SMC2: variants seen among roughly 807,000 people sequenced by gnomAD.
SMC2 encodes the protein structural maintenance of chromosomes protein 2.
A neutral mutation model predicts 142.6 loss-of-function variants in SMC2; 41 were observed. That is an observed-to-expected ratio of 0.29 (90% confidence interval 0.22 to 0.37). SMC2 has a LOEUF of 0.37. Ranked by LOEUF, SMC2 falls within the 10% of genes least tolerant of loss-of-function variation. The probability of loss-of-function intolerance (pLI) is 1.00; values close to 1 mark genes in which losing one functional copy is unlikely to be tolerated. For missense variants in SMC2, 1,265 were observed against 1,373.7 expected (o/e 0.92, Z 1.25); for synonymous variants, 463 against 457.5 (o/e 1.01, Z -0.15).
upstream of SMC2, among the ~76,000 whole-genome samples, chr9:104,091,559 A>T (rs1426251376): frequency 6.6e-6 from 1 of 152,240 alleles, no homozygotes; most frequent in Non-Finnish European, 1.5e-5. Flanking sequence ...AAGTGCTGCT[A>T]GTCAATCCAA....
intron 21 of SMC2, among the ~76,000 whole-genome samples, chr9:104,131,447 A>G (rs73665504): frequency 0.017 from 2,523 of 152,190 alleles, 93 homozygotes; most frequent in African/African-American, 0.058. Context: ...GCAGCAAGCC[A>G]TCATGGCACA....
In SMC2 at chr9:104,101,187, G is replaced by A. The variant is rs149974316; in HGVS notation, c.636+754G>A. On this transcript the variant is annotated intron_variant, in intron 7 of 24. Coordinates refer to ENST00000374793, the MANE Select transcript of SMC2 (RefSeq NM_006444.3). ...TGGGCTCAAGTGATCCACCTGCCTCGGCCTCGCAAAGTGCTGGGATTACAG... is the reference window on the plus strand; with the variant it reads ...TGGGCTCAAGTGATCCACCTGCCTCAGCCTCGCAAAGTGCTGGGATTACAG... Among the ~76,000 whole-genome samples, 15 of 152,170 alleles carry A rather than the reference G, an allele frequency of 9.9e-5. No homozygotes were observed. The East Asian group carries it at 1.6e-3, about 16-fold the overall frequency.
At chr9:104,129,344 A>G (rs780498572) in intron 20 of SMC2, among the ~76,000 whole-genome samples, 4 of 152,082 alleles carry the variant, frequency 2.6e-5, no homozygotes, top group Non-Finnish European at 5.9e-5. Flanking sequence ...CTCTACTAAA[A>G]ATACAAAATT....
chr9:104,098,560 A>T lies in SMC2; in HGVS notation c.433A>T (p.Ile145Phe). ...TAATGTTAACAACCCTCACTTTCTC[A>T]TCATGCAGGTATTTCGTTTGAGGTC... is the stretch of plus-strand genomic sequence containing the variant. ...GLNVNNPHFL[I>F]MQGRITKVLN... The change falls in exon 4 of 25, where the codon ATC (isoleucine) becomes TTC (phenylalanine). Residue 145 changes from isoleucine (I) to phenylalanine (F), a missense_variant. Ile to Phe is a conservative substitution (Grantham distance 21). This residue lies in a region of SMC2 where 168 missense variants were observed against 184.8 expected (regional missense o/e 0.91). Transcript: ENST00000374793. 6.3e-7 allele frequency: 1 copy of T among 1,586,174 alleles called. No homozygotes were observed. Among genetic ancestry groups the T allele is most frequent in the Non-Finnish European group, 8.5e-7 (1 of 1,169,702 alleles).
chr9:104,118,098 A>T, intron 14 of SMC2, 73 bp from the exon 15 acceptor site: 1 of 1,161,982 alleles, frequency 8.6e-7, no homozygotes. Context: ...AGCAGTTTTT[A>T]CTGGTTTATA....
chr9:104,127,462 T>A lies in SMC2; in HGVS notation c.2772T>A (p.Ala924=), dbSNP rs765566234. The A allele has an allele frequency of 1.2e-6, 2 of 1,609,674 alleles. No homozygotes were observed. Among genetic ancestry groups the A allele is most frequent in the Admixed American group, 3.4e-5 (2 of 59,182 alleles). The change falls in exon 20 of 25, where the codon GCT becomes GCA. Residue 924 remains alanine, a synonymous_variant. Transcript: ENST00000374793. ...DHNISKHKRE[A]EDGAAKVSKM... ...ACATCAGCAAACATAAACGGGAGGC[T>A]GAAGATGGTGCTGCAAAGGTATACG...
chr9:104,100,604 A>G (rs771645933), intron 7 of SMC2, among the ~76,000 whole-genome samples, 171 bp downstream of exon 7: 23 of 152,190 alleles, frequency 1.5e-4, no homozygotes, highest in South Asian at 4.1e-4. Flanking sequence ...GAGGATATGC[A>G]CTTATCTGCT....
intron 9 of SMC2, among the ~76,000 whole-genome samples, chr9:104,106,342 G>T (rs914083608): frequency 3.9e-5 from 6 of 152,118 alleles, no homozygotes; most frequent in Non-Finnish European, 5.9e-5. Context: ...TCCCTTTCAG[G>T]CAGCAAGTCC....
At chr9:104,115,594 A>AT (rs956766293) in intron 13 of SMC2, among the ~76,000 whole-genome samples, 2 of 152,062 alleles carry the variant, frequency 1.3e-5, no homozygotes, top group African/African-American at 4.8e-5. Context: ...CAAAAAAAAA[A>AT]AGAAAAAAAC....
chr9:104,104,681 A>G (rs1417115692), intron 9 of SMC2, among the ~76,000 whole-genome samples: 2 of 152,174 alleles, frequency 1.3e-5, no homozygotes, highest in African/African-American at 4.8e-5. Flanking sequence ...CCACCTAAGG[A>G]GTTGTCCTGT....
chr9:104,114,597 T>G, intron 12 of SMC2, 94 bp from the exon 13 acceptor site: 1 of 1,113,184 alleles, frequency 9.0e-7, no homozygotes. Flanking sequence ...TCATTTCACT[T>G]TAATGTGTTG....
chr9:104,097,508 GAAAAA>G (rs59646608), intron 3 of SMC2, among the ~76,000 whole-genome samples: 4 of 121,868 alleles, frequency 3.3e-5, no homozygotes, highest in African/African-American at 9.1e-5. Context: ...GCCTCTGGTT[GAAAAA>G]AAAAAAAAAA....
rs1376968987 is a variant in SMC2, at chr9:104,111,710, T to G, written c.1150T>G (p.Ser384Ala). The G allele has an allele frequency of 3.7e-6, 6 of 1,613,962 alleles. No individual in the cohort carries two copies. The highest frequency in any genetic ancestry group is 5.1e-6 in the Non-Finnish European group (6 of 1,179,958). Reference protein sequence around the residue: ...AAAQQHFNAVSAGLSSNEDGA... With the variant: ...AAAQQHFNAVAAGLSSNEDGA... Reference sequence around the variant, plus strand: ...TGCACAGCAGCACTTCAATGCTGTTTCCGCTGGCCTGTCCAGTAATGAAGA... The same window carrying G: ...TGCACAGCAGCACTTCAATGCTGTTGCCGCTGGCCTGTCCAGTAATGAAGA... The change falls in exon 10 of 25, where the codon TCC becomes GCC. Residue 384 changes from serine to alanine, a missense_variant. By Grantham distance (99) the Ser-to-Ala change is moderately conservative. This residue lies in a region of SMC2 where 898 missense variants were observed against 904.2 expected (regional missense o/e 0.99). Coordinates refer to ENST00000374793, the MANE Select transcript of SMC2 (RefSeq NM_006444.3).
At position 104,127,311 on chromosome 9, in the gene SMC2, A is replaced by T. The variant is rs1385636562; in HGVS notation, c.2621A>T (p.Glu874Val). 3 of 1,595,288 alleles carry T rather than the reference A, an allele frequency of 1.9e-6. No individual in the cohort carries two copies. Among genetic ancestry groups the T allele is most frequent in the Middle Eastern group, 1.7e-4 (1 of 5,958 alleles). Residue 874 changes from glutamate to valine, a missense_variant, in exon 20 of 25, where the codon GAG (glutamate) becomes GTG (valine). Physicochemically the swap from Glu to Val is moderately radical, Grantham distance 121. Around this residue, in one of 4 missense-constraint regions of SMC2, gnomAD observed 898 missense variants for 904.2 expected, o/e 0.99. Coordinates refer to ENST00000374793, the MANE Select transcript of SMC2 (RefSeq NM_006444.3). Reference sequence around the variant, plus strand: ...GAGTCAGTAAATAAAGCTCAAGAAGAGGTGACCAAGCAAAAAGAGGTGATA... The same window carrying T: ...GAGTCAGTAAATAAAGCTCAAGAAGTGGTGACCAAGCAAAAAGAGGTGATA... The part of the protein sequence containing the change: ...NKESVNKAQE[E>V]VTKQKEVITA...
intron 23 of SMC2, among the ~76,000 whole-genome samples, chr9:104,137,665 G>T (rs1004459367): frequency 1.1e-5 from 1 of 94,324 alleles, no homozygotes; most frequent in African/African-American, 5.7e-5. Context: ...AATGACCATA[G>T]CTCTTAACCT....
intron 9 of SMC2, among the ~76,000 whole-genome samples, chr9:104,110,704 T>G (rs561999585): frequency 2.4e-4 from 37 of 152,314 alleles, no homozygotes; most frequent in Admixed American, 1.0e-3. Flanking sequence ...GTCCGGTTCC[T>G]CAAACATTCA....
intron 16 of SMC2, 102 bp downstream of exon 16, chr9:104,120,264 A>G: frequency 1.8e-6 from 2 of 1,138,146 alleles, no homozygotes; most frequent in South Asian, 1.8e-5. Context: ...CTTTTCTCAT[A>G]TTTTTGGTTT....
intron 1 of SMC2, chr9:104,094,726 T>A: frequency 1.9e-5 from 5 of 263,012 alleles, no homozygotes; most frequent in Non-Finnish European, 2.8e-5. Flanking sequence ...GAATATGAGA[T>A]ACATCTCATC....
chr9:104,094,556 C>A (rs745797112), intron 1 of SMC2, 79 bp downstream of exon 1: 1 of 232,526 alleles, frequency 4.3e-6, no homozygotes, highest in Non-Finnish European at 7.6e-6. Flanking sequence ...AGGCGGGGCG[C>A]GGGGCGCGGG....
Sources: gnomAD v4.1 joint callset for allele counts (sites outside exome capture counted in the v4.1 genomes callset) on GRCh38, gnomAD v4.1.1 for gene constraint, gnomAD v4.1.1 regional missense constraint, MANE v1.5 for transcripts, NCBI Gene and HGNC (gene_info 2026-07-23, HGNC 2026-07-21) for gene names.